The following TASP1 variants were observed in gnomAD, a reference collection of about 807,000 sequenced individuals.
The protein encoded by TASP1 is taspase 1, also known as threonine aspartase 1.
Under a neutral mutation model 56.6 loss-of-function variants are expected in TASP1, and 16 were observed. That is an observed-to-expected ratio of 0.28 (90% CI 0.19 to 0.43). TASP1 has a LOEUF of 0.43. Ranked by LOEUF, TASP1 falls within the 20% of genes least tolerant of loss-of-function variation. TASP1 has a pLI of 1.00. For missense variants in TASP1, 393 were observed against 511.6 expected, an observed-to-expected ratio of 0.77 and a Z score of 2.24; for synonymous variants, 179 against 184.2, an observed-to-expected ratio of 0.97 and a Z score of 0.23.
At chr20:13,519,072 A>C (rs1308342633) in intron 10 of TASP1, among the ~76,000 whole-genome samples, 2 of 152,174 alleles carry the variant, frequency 1.3e-5, no homozygotes, top group African/African-American at 4.8e-5. Flanking sequence ...AAATTAATGC[A>C]GAAACAGAAA....
the TASP1 span, chr20:13,164,466 G>T: frequency 1.9e-6 from 1 of 523,258 alleles, no homozygotes. Flanking sequence ...AACCTTTTAA[G>T]GGTAAGCATG....
chr20:13,242,779 C>A, the TASP1 span, among the ~76,000 whole-genome samples: 123 of 152,232 alleles, frequency 8.1e-4, no homozygotes, highest in African/African-American at 2.9e-3. Flanking sequence ...AGGTTGGCAG[C>A]CATAGCTTAA....
intron 6 of TASP1, among the ~76,000 whole-genome samples, chr20:13,572,128 T>C (rs555444481): frequency 1.5e-4 from 23 of 152,314 alleles, no homozygotes; most frequent in Admixed American, 9.2e-4. Flanking sequence ...ATAAAGTCCT[T>C]AAAAGCTTCG....
chr20:13,495,969 A>G (rs1395238193), intron 10 of TASP1, among the ~76,000 whole-genome samples: 1 of 152,182 alleles, frequency 6.6e-6, no homozygotes, highest in Non-Finnish European at 1.5e-5. Flanking sequence ...ATCCCAAATT[A>G]AGAAACCACA....
the TASP1 span, among the ~76,000 whole-genome samples, chr20:13,105,267 G>GGA: frequency 6.7e-6 from 1 of 149,576 alleles, no homozygotes; most frequent in Non-Finnish European, 1.5e-5. Flanking sequence ...CCTGCAGGAG[G>GGA]AAAAAAAAAA....
At chr20:13,538,401 A>G (rs1044675515) in intron 8 of TASP1, among the ~76,000 whole-genome samples, 2 of 152,228 alleles carry the variant, frequency 1.3e-5, no homozygotes, top group Non-Finnish European at 2.9e-5. Context: ...TCTTAAATGT[A>G]TAAGTGCATT....
At chr20:13,510,662 C>A (rs1254703377) in intron 10 of TASP1, among the ~76,000 whole-genome samples, 1 of 152,022 alleles carries the variant, frequency 6.6e-6, no homozygotes, top group Non-Finnish European at 1.5e-5. Flanking sequence ...TTTCTTCTTC[C>A]TTCTCACATT....
chr20:13,197,579 C>T, the TASP1 span, among the ~76,000 whole-genome samples: 3 of 152,284 alleles, frequency 2.0e-5, no homozygotes, highest in South Asian at 4.1e-4. Context: ...TTTAGATTTG[C>T]CTGTCTGAAT....
chr20:13,210,924 C>T, the TASP1 span, among the ~76,000 whole-genome samples: 1 of 152,088 alleles, frequency 6.6e-6, no homozygotes, highest in East Asian at 1.9e-4. Flanking sequence ...TACCACAGAG[C>T]CAATGAGTCA....
chr20:13,386,179 T>G (rs2041161614), downstream of TASP1, among the ~76,000 whole-genome samples: 2 of 152,224 alleles, frequency 1.3e-5, no homozygotes, highest in Admixed American at 6.5e-5. Context: ...GCCAGCATTG[T>G]ATGGGAAAGC....
At chr20:13,378,823 T>C in the TASP1 span, among the ~76,000 whole-genome samples, 1 of 152,230 alleles carries the variant, frequency 6.6e-6, no homozygotes, top group Non-Finnish European at 1.5e-5. Context: ...TTTACCATTA[T>C]GTAATGCCTT....
chr20:13,288,607 C>T, the TASP1 span: 1 of 1,613,978 alleles, frequency 6.2e-7, no homozygotes, highest in East Asian at 2.2e-5. Flanking sequence ...GGAACGGCAA[C>T]CAGAAACGGA....
chr20:13,505,531 ACT>A (rs950780987), intron 10 of TASP1, among the ~76,000 whole-genome samples: 1 of 152,084 alleles, frequency 6.6e-6, no homozygotes, highest in African/African-American at 2.4e-5. Context: ...CCACAAAAAA[ACT>A]CTTAACAAAT....
At chr20:13,575,210 T>G (rs1467519223) in intron 6 of TASP1, among the ~76,000 whole-genome samples, 1 of 152,200 alleles carries the variant, frequency 6.6e-6, no homozygotes, top group Non-Finnish European at 1.5e-5. Context: ...ATTTTTTAAA[T>G]TATAAGATCA....
chr20:13,504,939 CCTA>C (rs1367450073), intron 10 of TASP1, among the ~76,000 whole-genome samples: 2 of 151,870 alleles, frequency 1.3e-5, no homozygotes, highest in African/African-American at 4.8e-5. Flanking sequence ...ATAGTACATC[CCTA>C]CTATCAATAA....
intron 10 of TASP1, among the ~76,000 whole-genome samples, chr20:13,488,500 T>C (rs2043407805): frequency 6.6e-6 from 1 of 152,062 alleles, no homozygotes; most frequent in Admixed American, 6.6e-5. Flanking sequence ...TGAGGGTGAA[T>C]AGAGACCGTT....
At chr20:13,161,526 C>T in the TASP1 span, among the ~76,000 whole-genome samples, 3 of 152,070 alleles carry the variant, frequency 2.0e-5, no homozygotes, top group Admixed American at 6.6e-5. Flanking sequence ...ATACAGGAAT[C>T]GCAGGTGGGG....
intron 11 of TASP1, among the ~76,000 whole-genome samples, chr20:13,464,376 T>C (rs561736969): frequency 2.9e-4 from 44 of 152,282 alleles, no homozygotes; most frequent in African/African-American, 1.0e-3. Context: ...CAACCAATCA[T>C]GCTGACATCT....
intron 13 of TASP1, among the ~76,000 whole-genome samples, chr20:13,414,078 T>A (rs994042767): frequency 1.3e-5 from 2 of 152,242 alleles, no homozygotes; most frequent in Non-Finnish European, 2.9e-5. Flanking sequence ...TTTTCTGATA[T>A]AGGATCTAGT....
Sources: gnomAD v4.1 joint callset for allele counts (sites outside exome capture counted in the v4.1 genomes callset) on GRCh38, gnomAD v4.1.1 for gene constraint, MANE v1.5 for transcripts, NCBI Gene and HGNC (gene_info 2026-07-23, HGNC 2026-07-21) for gene names.